CTNNA3: variants seen among roughly 807,000 people sequenced by gnomAD.
CTNNA3 encodes the protein catenin alpha-3.
A neutral mutation model predicts 95.7 loss-of-function variants in CTNNA3; 76 were observed. The ratio of observed to expected loss-of-function variants is 0.79; its 90% CI spans 0.66 to 0.96. The LOEUF is 0.96. Among genes scored for constraint, CTNNA3 ranks in the 40% least tolerant of loss-of-function variants. CTNNA3 has a pLI of 0.00. For missense variants in CTNNA3, 1,191 were observed against 1,089.8 expected, an observed-to-expected ratio of 1.09 and a Z score of -1.31; for synonymous variants, 431 against 374.4, an observed-to-expected ratio of 1.15 and a Z score of -1.74.
At chr10:66,015,935 T>C (rs1041963251) in intron 15 of CTNNA3, among the ~76,000 whole-genome samples, 2 of 152,158 alleles carry the variant, frequency 1.3e-5, no homozygotes, top group Non-Finnish European at 2.9e-5. Flanking sequence ...ACTAAATATA[T>C]ATGTTAAATA....
At chr10:66,872,116 C>G (rs1336654012) in intron 7 of CTNNA3, among the ~76,000 whole-genome samples, 1 of 152,162 alleles carries the variant, frequency 6.6e-6, no homozygotes, top group African/African-American at 2.4e-5. Flanking sequence ...CACCTGGGAA[C>G]TAAACATCCA....
At chr10:65,953,183 C>A (rs1382002227) in intron 17 of CTNNA3, among the ~76,000 whole-genome samples, 1 of 152,152 alleles carries the variant, frequency 6.6e-6, no homozygotes, top group Non-Finnish European at 1.5e-5. Flanking sequence ...TATAGGAATA[C>A]TAGGTGAACA....
intron 1 of CTNNA3, among the ~76,000 whole-genome samples, chr10:67,676,325 T>C (rs1369510213): frequency 6.6e-6 from 1 of 152,050 alleles, no homozygotes; most frequent in Non-Finnish European, 1.5e-5. Context: ...GTCATGCCAC[T>C]GGAAAAGGAA....
intron 11 of CTNNA3, among the ~76,000 whole-genome samples, chr10:66,418,776 T>C (rs1773481173): frequency 6.6e-6 from 1 of 152,034 alleles, no homozygotes; most frequent in Non-Finnish European, 1.5e-5. Context: ...ATAAAACTCA[T>C]ATGCTCATCT....
chr10:66,325,793 T>A (rs1400459450), intron 12 of CTNNA3, among the ~76,000 whole-genome samples: 1 of 152,116 alleles, frequency 6.6e-6, no homozygotes, highest in East Asian at 1.9e-4. Flanking sequence ...TTTGAAATAG[T>A]TATGTGCTCA....
chr10:66,625,528 A>G lies in CTNNA3; in HGVS notation c.1282-3744T>C, dbSNP rs1170105303. 2.0e-5 allele frequency among the ~76,000 whole-genome samples: 3 copies of G among 152,030 alleles called. No individual in the cohort carries two copies. In the East Asian group the frequency reaches 5.8e-4, roughly 29 times the overall value. On this transcript the variant is annotated intron_variant, in intron 9 of 17. Coordinates refer to ENST00000433211, the MANE Select transcript of CTNNA3 (RefSeq NM_013266.4). The stretch of plus-strand genomic sequence containing the variant: ...CACAGCCCCTCAAGTAGCTGGGACT[A>G]CAGGTGCGCACCACCACACCTGGCT...
In CTNNA3 at chr10:66,578,985, T is replaced by C. The variant is rs533243246; in HGVS notation, c.1374+42707A>G. Among the ~76,000 whole-genome samples, 285 of 150,644 alleles carry C rather than the reference T, an allele frequency of 1.9e-3. 2 individuals carry two copies. Among genetic ancestry groups the C allele is most frequent in the African/African-American group, 6.7e-3 (274 of 41,114 alleles). On this transcript the variant is annotated intron_variant, in intron 10 of 17. Coordinates refer to ENST00000433211, the MANE Select transcript of CTNNA3 (RefSeq NM_013266.4). ...GCTCTAGGCCTTTTTTTTTTTTTGG[T>C]TGGTAGGCTTTTTATTACTGATTCA...
At chr10:67,611,352 C>T (rs991756643) in intron 2 of CTNNA3, among the ~76,000 whole-genome samples, 7 of 151,270 alleles carry the variant, frequency 4.6e-5, no homozygotes, top group East Asian at 2.0e-4. Context: ...CTCACTCTGT[C>T]GCCCAGGCTG....
intron 13 of CTNNA3, among the ~76,000 whole-genome samples, chr10:66,107,413 C>T (rs550051362): frequency 3.3e-5 from 5 of 152,162 alleles, no homozygotes; most frequent in Middle Eastern, 3.4e-3. Flanking sequence ...GAACATTATT[C>T]GGTGACTGGG....
chr10:66,447,878 A>C (rs1177701050), intron 11 of CTNNA3, among the ~76,000 whole-genome samples: 1 of 152,212 alleles, frequency 6.6e-6, no homozygotes, highest in Non-Finnish European at 1.5e-5. Flanking sequence ...CTACCATCAG[A>C]GTGAACAGGC....
In CTNNA3 at chr10:67,628,264, G is replaced by A. The variant is rs74142861; in HGVS notation, c.99+19151C>T. On this transcript the variant is annotated intron_variant, in intron 2 of 17. Coordinates refer to ENST00000433211, the MANE Select transcript of CTNNA3 (RefSeq NM_013266.4). ...TGAGTAAACTGCAAAAAAAAAAAAA[G>A]GGGAGAAACAGCTTTTGTGTGCCTC... is the stretch of plus-strand genomic sequence containing the variant. Among the ~76,000 whole-genome samples the A allele has an allele frequency of 4.7e-3, 534 of 113,920 alleles. 3 individuals carry two copies. The highest frequency in any genetic ancestry group is 0.013 in the African/African-American group (246 of 19,446). The allele number at this position is 113,920 out of a possible 152,430, so 74.7% of individuals were successfully genotyped here. A position where few individuals can be genotyped will look rare whatever the true frequency, so the allele number is the denominator to read the frequency against.
rs550275422 is a variant in CTNNA3, at chr10:66,766,398, C to A, written c.1147G>T (p.Asp383Tyr). 1 of 1,612,638 alleles carries A rather than the reference C, an allele frequency of 6.2e-7. No individual in the cohort carries two copies. The highest frequency in any genetic ancestry group is 1.3e-5 in the African/African-American group (1 of 74,964). ...TCCAGGAAAGAGTCTGACACATGAT[C>A]TATAATAGCCTTGCGGAGCTGAGAA... is the stretch of plus-strand genomic sequence containing the variant. ...LRRQLRKAII[D>Y]HVSDSFLDTT... The change falls in exon 9 of 18, where the codon GAT becomes TAT. Residue 383 changes from aspartate to tyrosine, a missense_variant. Asp to Tyr is a radical substitution (Grantham distance 160, BLOSUM62 -3). Transcript: ENST00000433211.
intron 9 of CTNNA3, among the ~76,000 whole-genome samples, chr10:66,718,142 T>TC (rs1848511925): frequency 6.6e-6 from 1 of 151,542 alleles, no homozygotes; most frequent in Admixed American, 6.6e-5. Flanking sequence ...TATTAACCTT[T>TC]TTTTTTTCTG....
intron 9 of CTNNA3, among the ~76,000 whole-genome samples, chr10:66,645,321 G>A (rs1845668839): frequency 6.6e-6 from 1 of 151,836 alleles, no homozygotes; most frequent in Admixed American, 6.6e-5. Context: ...TAAACATTTT[G>A]TATTTATATT....
At position 66,559,994 on chromosome 10, in the gene CTNNA3, G is replaced by A. The variant is rs556625343; in HGVS notation, c.1375-39221C>T. Reference sequence around the variant, plus strand: ...CTGACGCTCAACACACAATAGGCACGAAATAAAGACAAGTGGGAAGAATGG... The same window carrying A: ...CTGACGCTCAACACACAATAGGCACAAAATAAAGACAAGTGGGAAGAATGG... On this transcript the variant is annotated intron_variant, in intron 10 of 17. Coordinates refer to ENST00000433211, the MANE Select transcript of CTNNA3 (RefSeq NM_013266.4). 2.4e-3 allele frequency among the ~76,000 whole-genome samples: 361 copies of A among 152,116 alleles called. 1 individual carries two copies. The highest frequency in any genetic ancestry group is 0.017 in the Middle Eastern group (5 of 294).
chr10:66,640,076 A>G (rs570209406), intron 9 of CTNNA3, among the ~76,000 whole-genome samples: 1 of 152,286 alleles, frequency 6.6e-6, no homozygotes, highest in Admixed American at 6.5e-5. Context: ...GTTTTGGAAA[A>G]CACTGTTAAA....
chr10:67,278,780 G>A (rs1253463498), intron 5 of CTNNA3, among the ~76,000 whole-genome samples: 1 of 152,134 alleles, frequency 6.6e-6, no homozygotes, highest in Non-Finnish European at 1.5e-5. Context: ...TCAAGGTATG[G>A]CAAGGAAATA....
At position 67,320,177 on chromosome 10, in the gene CTNNA3, TG is replaced by T. The variant is rs1841250938; in HGVS notation, c.580-100308del. Among the ~76,000 whole-genome samples the T allele has an allele frequency of 2.0e-5, 3 of 152,148 alleles. No homozygotes were observed. In the South Asian group the frequency reaches 6.2e-4, roughly 31 times the overall value. On this transcript the variant is annotated intron_variant, in intron 5 of 17. Coordinates refer to ENST00000433211, the MANE Select transcript of CTNNA3 (RefSeq NM_013266.4). ...GGAAAGCCTCTTAAAGCCAGACTTT[TG>T]AAGCTCAGTAATCTTCTGAGCCAAG...
chr10:66,820,734 C>G (rs971519809), intron 7 of CTNNA3, among the ~76,000 whole-genome samples: 5 of 151,134 alleles, frequency 3.3e-5, no homozygotes, highest in Non-Finnish European at 5.9e-5. Context: ...TTTCCTATTT[C>G]AAATTTTTTA....
Sources: gnomAD v4.1 joint callset for allele counts (sites outside exome capture counted in the v4.1 genomes callset) on GRCh38, gnomAD v4.1.1 for gene constraint, MANE v1.5 for transcripts, NCBI Gene and HGNC (gene_info 2026-07-23, HGNC 2026-07-21) for gene names.